The following RANBP2 variants were observed in gnomAD, a reference collection of about 807,000 sequenced individuals.
RANBP2 encodes the protein E3 SUMO-protein ligase RanBP2.
RANBP2 carries 57 observed loss-of-function variants against 303.6 expected under a neutral mutation model. The ratio of observed to expected loss-of-function variants is 0.19; its 90% CI spans 0.15 to 0.23. The LOEUF is 0.23. RANBP2 is among the 10% of genes least tolerant of loss of function. The probability of loss-of-function intolerance (pLI) is 1.00; values close to 1 mark genes in which losing one functional copy is unlikely to be tolerated. For synonymous variants in RANBP2, 1,167 were observed against 1,301.5 expected, an observed-to-expected ratio of 0.90 and a Z score of 2.23; for missense variants, 3,138 against 3,780.8, an observed-to-expected ratio of 0.83 and a Z score of 4.46.
intron 4 of RANBP2, 120 bp downstream of exon 4, chr2:108,731,594 T>G (rs1695173573): frequency 1.9e-6 from 3 of 1,559,286 alleles, no homozygotes; most frequent in South Asian, 2.4e-5. Context: ...CTTTAAAAAT[T>G]TTCTTTTAAA....
chr2:109,162,351 C>T, the RANBP2 span, among the ~76,000 whole-genome samples: 14 of 152,234 alleles, frequency 9.2e-5, 1 homozygote, highest in East Asian at 1.5e-3. Flanking sequence ...CTCAGAGAGC[C>T]GGGCCTCTCT....
At chr2:108,882,673 C>T in the RANBP2 span, 1 of 152,286 alleles carries the variant, frequency 6.6e-6, no homozygotes, top group Admixed American at 6.5e-5. Context: ...CTTTTCAGGT[C>T]ATCCTCCATG....
chr2:109,299,281 T>C, the RANBP2 span, among the ~76,000 whole-genome samples: 1 of 152,258 alleles, frequency 6.6e-6, no homozygotes, highest in African/African-American at 2.4e-5. Flanking sequence ...ATTTTATTTA[T>C]AGATTTTATT....
chr2:109,429,224 C>T, the RANBP2 span, among the ~76,000 whole-genome samples: 12 of 152,252 alleles, frequency 7.9e-5, no homozygotes, highest in African/African-American at 1.9e-4. Flanking sequence ...GACCCCCACC[C>T]GGGCCAAGGC....
At chr2:108,773,492 G>T (rs1276782244) in intron 23 of RANBP2, among the ~76,000 whole-genome samples, 1 of 152,144 alleles carries the variant, frequency 6.6e-6, no homozygotes, top group Non-Finnish European at 1.5e-5. Context: ...GGGGCTATAT[G>T]CCAAAAGCTA....
At chr2:109,075,219 G>T in the RANBP2 span, among the ~76,000 whole-genome samples, 1 of 149,602 alleles carries the variant, frequency 6.7e-6, no homozygotes, top group African/African-American at 2.4e-5. Flanking sequence ...AAAATCAGAG[G>T]TTGTTTGTTT....
At chr2:108,922,234 T>C in the RANBP2 span, among the ~76,000 whole-genome samples, 1 of 152,214 alleles carries the variant, frequency 6.6e-6, no homozygotes, top group African/African-American at 2.4e-5. Flanking sequence ...CTGACATCTT[T>C]CCAGACTGGT....
chr2:109,593,682 G>A, the RANBP2 span, among the ~76,000 whole-genome samples: 1 of 152,118 alleles, frequency 6.6e-6, no homozygotes, highest in Non-Finnish European at 1.5e-5. Context: ...AGGATTACAG[G>A]CATGAGCCAC....
At chr2:109,499,132 G>C in the RANBP2 span, among the ~76,000 whole-genome samples, 1 of 152,160 alleles carries the variant, frequency 6.6e-6, no homozygotes, top group African/African-American at 2.4e-5. Context: ...AGAGTGGGCA[G>C]CCGCCAGGAC....
chr2:109,442,791 A>G, the RANBP2 span, among the ~76,000 whole-genome samples: 1 of 152,270 alleles, frequency 6.6e-6, no homozygotes, highest in Non-Finnish European at 1.5e-5. Flanking sequence ...CAGAAGGGAA[A>G]AGAAACAATA....
the RANBP2 span, among the ~76,000 whole-genome samples, chr2:109,199,328 TA>T: frequency 0.024 from 4 of 166 alleles, 1 homozygote; most frequent in African/African-American, 0.1. Flanking sequence ...TCTCAAAAAG[TA>T]AAATGGAATG....
the RANBP2 span, among the ~76,000 whole-genome samples, chr2:109,500,530 G>GC: frequency 3.9e-5 from 6 of 152,200 alleles, no homozygotes; most frequent in African/African-American, 1.4e-4. Context: ...GCTGCAGGGG[G>GC]CCCAAGTCTT....
In RANBP2 at chr2:108,751,398, A is replaced by C. The variant is rs1281489432; in HGVS notation, c.1408A>C (p.Arg470=). 1.9e-6 allele frequency: 3 copies of C among 1,612,044 alleles called. No individual in the cohort carries two copies. In the East Asian group the frequency reaches 6.7e-5, roughly 36 times the overall value. The change falls in exon 10 of 29, where the codon AGG becomes CGG. Residue 470 remains arginine, a synonymous_variant. Transcript: ENST00000283195. ...LFHHLPHETS[R]LETNAPESIC... ...CCATCATTTGCCCCATGAAACCTCA[A>C]GGCTTGAAACAAATGCACCTGAATC...
the RANBP2 span, among the ~76,000 whole-genome samples, chr2:109,386,944 A>G: frequency 5.3e-5 from 8 of 152,168 alleles, no homozygotes; most frequent in African/African-American, 1.7e-4. Context: ...CTCCAGCCTA[A>G]TCTGCTTTTT....
the RANBP2 span, among the ~76,000 whole-genome samples, chr2:109,140,255 TC>T: frequency 7.2e-5 from 11 of 152,242 alleles, no homozygotes; most frequent in Non-Finnish European, 1.5e-4. Flanking sequence ...TTCTCTCTCT[TC>T]CTGAGATCAG....
At chr2:109,014,288 G>A in the RANBP2 span, among the ~76,000 whole-genome samples, 22 of 152,308 alleles carry the variant, frequency 1.4e-4, 1 homozygote, top group East Asian at 7.7e-4. Flanking sequence ...AGACACCCAC[G>A]CTGTGGTGAA....
the RANBP2 span, among the ~76,000 whole-genome samples, chr2:109,249,519 T>TTCTTTCTTTCTTTCTTTCTTTC: frequency 1.6e-4 from 10 of 61,936 alleles, 1 homozygote; most frequent in East Asian, 1.4e-3. Flanking sequence ...CATTCTTTCT[T>TTCTTTCTTTCTTTCTTTCTTTC]TTTCTTTCTT....
At chr2:109,534,885 T>G in the RANBP2 span, among the ~76,000 whole-genome samples, 1 of 152,188 alleles carries the variant, frequency 6.6e-6, no homozygotes, top group African/African-American at 2.4e-5. Context: ...GCTGGGTAAT[T>G]TGGGAGAGTG....
At chr2:109,117,174 G>A in the RANBP2 span, among the ~76,000 whole-genome samples, 1 of 152,226 alleles carries the variant, frequency 6.6e-6, no homozygotes, top group African/African-American at 2.4e-5. Flanking sequence ...CTGTCAGACA[G>A]GGACATTTAA....
Sources: gnomAD v4.1 joint callset for allele counts (sites outside exome capture counted in the v4.1 genomes callset) on GRCh38, gnomAD v4.1.1 for gene constraint, MANE v1.5 for transcripts, NCBI Gene and HGNC (gene_info 2026-07-23, HGNC 2026-07-21) for gene names.